The following UGGT2 variants were observed in gnomAD, a reference collection of about 807,000 sequenced individuals.
The protein encoded by UGGT2 is UDP-glucose glycoprotein glucosyltransferase 2.
Under a neutral mutation model 192.1 loss-of-function variants are expected in UGGT2, and 180 were observed. That is an observed-to-expected ratio of 0.94 (90% CI 0.83 to 1.06). The LOEUF (loss-of-function observed/expected upper bound fraction) is 1.06. Among genes scored for constraint, UGGT2 ranks in the 50% least tolerant of loss-of-function variants. The pLI is 0.00. For missense variants in UGGT2, 1,849 were observed against 1,795.7 expected (o/e 1.03, Z -0.54); for synonymous variants, 580 against 591.0 (o/e 0.98, Z 0.27).
intron 20 of UGGT2, among the ~76,000 whole-genome samples, chr13:95,922,800 A>C (rs1379000727): frequency 6.6e-6 from 1 of 152,132 alleles, no homozygotes; most frequent in Non-Finnish European, 1.5e-5. Context: ...TCCAGCCTCA[A>C]TGACAGAGCG....
intron 1 of UGGT2, among the ~76,000 whole-genome samples, chr13:96,038,705 C>CT (rs2053077661): frequency 6.6e-6 from 1 of 150,858 alleles, no homozygotes; most frequent in Admixed American, 6.6e-5. Context: ...AAAAGCTGCC[C>CT]TTTTTTTGTT....
intron 5 of UGGT2, among the ~76,000 whole-genome samples, chr13:96,011,664 C>G (rs1275267616): frequency 6.6e-6 from 1 of 152,074 alleles, no homozygotes; most frequent in Non-Finnish European, 1.5e-5. Context: ...AGCAATAGAA[C>G]TTCCAGGCAT....
At position 95,867,380 on chromosome 13, in the gene UGGT2, CAAT is replaced by C; in HGVS notation, c.3514_3516del (p.Ile1172del). ...TTGCTTTTGAAGCTGTTTAATACAA[CAAT>C]GATATCTTCTAGGTCTGCTTGAGAG... On this transcript the variant is annotated inframe_deletion, in exon 30 of 39. Coordinates refer to ENST00000376747, the MANE Select transcript of UGGT2 (RefSeq NM_020121.4). The C allele has an allele frequency of 6.2e-7, 1 of 1,609,100 alleles. No individual in the cohort carries two copies. The highest frequency in any genetic ancestry group is 1.1e-5 in the South Asian group (1 of 89,942).
At chr13:95,845,052 A>C (rs1888254144) in intron 36 of UGGT2, among the ~76,000 whole-genome samples, 1 of 152,146 alleles carries the variant, frequency 6.6e-6, no homozygotes, top group African/African-American at 2.4e-5. Flanking sequence ...CTGATCATGT[A>C]TATATATGGA....
chr13:95,831,134 G>A lies in UGGT2; in HGVS notation c.4528+1793C>T, dbSNP rs189952792. ...CATACACTGGGGCTTGTTGTGGGGT[G>A]GGGGTAGGGGGTGGGATAGCATTAG... is the stretch of plus-strand genomic sequence containing the variant. On this transcript the variant is annotated intron_variant, in intron 38 of 38. Transcript: ENST00000376747. Among the ~76,000 whole-genome samples, 479 of 152,112 alleles carry A rather than the reference G, an allele frequency of 3.1e-3. 3 individuals carry two copies. Among genetic ancestry groups the A allele is most frequent in the African/African-American group, 0.011 (457 of 41,486 alleles).
chr13:95,952,303 T>C (rs1210183491), intron 12 of UGGT2, among the ~76,000 whole-genome samples: 1 of 152,102 alleles, frequency 6.6e-6, no homozygotes, highest in Non-Finnish European at 1.5e-5. Flanking sequence ...GTCATTCTGA[T>C]ACTGATAAGA....
At chr13:95,818,063 T>C (rs944078999) in intron 38 of UGGT2, among the ~76,000 whole-genome samples, 1 of 152,124 alleles carries the variant, frequency 6.6e-6, no homozygotes, top group East Asian at 1.9e-4. Flanking sequence ...TCCCAACGTT[T>C]TGGGAGGCCA....
intron 36 of UGGT2, among the ~76,000 whole-genome samples, chr13:95,843,659 AGGTTTTTGG>A (rs1888095537): frequency 6.6e-6 from 1 of 151,900 alleles, no homozygotes; most frequent in African/African-American, 2.4e-5. Context: ...TAGGGTTTAG[AGGTTTTTGG>A]GGTTTTTTTT....
At chr13:95,938,944 C>CCATTCTCAA (rs1160188542) in intron 16 of UGGT2, among the ~76,000 whole-genome samples, 1 of 150,744 alleles carries the variant, frequency 6.6e-6, no homozygotes, top group Non-Finnish European at 1.5e-5. Flanking sequence ...CACCAACAAT[C>CCATTCTCAA]CATTCTCAAC....
At chr13:96,044,163 C>T (rs907051969) in intron 1 of UGGT2, among the ~76,000 whole-genome samples, 6 of 152,124 alleles carry the variant, frequency 3.9e-5, no homozygotes, top group South Asian at 2.1e-4. Context: ...TTATATCAAA[C>T]ACTCTCTCAG....
chr13:95,892,587 C>T (rs1416054948), intron 24 of UGGT2, among the ~76,000 whole-genome samples: 4 of 152,030 alleles, frequency 2.6e-5, no homozygotes, highest in Admixed American at 2.6e-4. Context: ...TCAAACAGGC[C>T]GTTGCAATAG....
chr13:95,884,084 A>AAAAAAAAAAAAC (rs760204523), intron 27 of UGGT2, among the ~76,000 whole-genome samples: 4 of 132,012 alleles, frequency 3.0e-5, no homozygotes, highest in Non-Finnish European at 4.9e-5. Flanking sequence ...AAAAAAAAAA[A>AAAAAAAAAAAAC]AACCAACAAC....
At chr13:95,882,996 T>G (rs2047537437) in intron 27 of UGGT2, among the ~76,000 whole-genome samples, 1 of 152,178 alleles carries the variant, frequency 6.6e-6, no homozygotes, top group African/African-American at 2.4e-5. Context: ...AAGATTCATT[T>G]GTTAAGTTTT....
chr13:95,867,255 AAAAT>A (rs1890753966), intron 30 of UGGT2, 80 bp downstream of exon 30: 2 of 1,180,008 alleles, frequency 1.7e-6, no homozygotes, highest in Admixed American at 5.1e-5. Context: ...AGTTAATTGT[AAAAT>A]AAATCAATTA....
At chr13:95,913,668 A>G (rs2048579454) in intron 20 of UGGT2, among the ~76,000 whole-genome samples, 1 of 152,246 alleles carries the variant, frequency 6.6e-6, no homozygotes, top group South Asian at 2.1e-4. Context: ...CCTTTGTGGA[A>G]GACAGTGTGG....
chr13:95,972,475 A>AT (rs752143193), intron 11 of UGGT2, 105 bp downstream of exon 11: 32 of 1,049,666 alleles, frequency 3.0e-5, no homozygotes, highest in Non-Finnish European at 4.3e-5. Flanking sequence ...AAAAACATGT[A>AT]TTTATCTTTA....
intron 12 of UGGT2, among the ~76,000 whole-genome samples, chr13:95,950,606 A>AAG (rs200134270): frequency 0.015 from 2,304 of 150,890 alleles, 61 homozygotes; most frequent in African/African-American, 0.054. Flanking sequence ...AAAAAAAAAA[A>AAG]AGACAATAAA....
chr13:95,994,837 C>T (rs2051568805), intron 7 of UGGT2, among the ~76,000 whole-genome samples: 1 of 151,882 alleles, frequency 6.6e-6, no homozygotes, highest in South Asian at 2.1e-4. Flanking sequence ...TATTTGTTGC[C>T]TTATGTTTGT....
At chr13:95,896,497 A>C (rs575152228) in intron 22 of UGGT2, among the ~76,000 whole-genome samples, 11 of 152,256 alleles carry the variant, frequency 7.2e-5, no homozygotes, top group African/African-American at 2.6e-4. Context: ...CTGAACAATG[A>C]ATCAGCAGTC....
Sources: allele counts gnomAD v4.1 joint callset (sites outside exome capture counted in the v4.1 genomes callset), GRCh38; gene constraint gnomAD v4.1.1; transcripts MANE v1.5; gene names NCBI Gene and HGNC (gene_info 2026-07-23, HGNC 2026-07-21).